NLGN1: variants seen among roughly 807,000 people sequenced by gnomAD.
The protein encoded by NLGN1 is neuroligin-1.
A neutral mutation model predicts 65.5 loss-of-function variants in NLGN1; 12 were observed. The observed-to-expected ratio is 0.18, with a 90% CI of 0.12 to 0.30. The LOEUF (loss-of-function observed/expected upper bound fraction) is 0.30. NLGN1 is among the 10% of genes least tolerant of loss of function. The pLI, the probability that NLGN1 is intolerant of heterozygous loss-of-function variation, is 1.00. For synonymous variants in NLGN1, 350 were observed against 359.5 expected, an observed-to-expected ratio of 0.97 and a Z score of 0.30; for missense variants, 750 against 1,007.1, an observed-to-expected ratio of 0.74 and a Z score of 3.46.
At chr3:174,229,574 T>C (rs995963650) in intron 4 of NLGN1, among the ~76,000 whole-genome samples, 4 of 152,202 alleles carry the variant, frequency 2.6e-5, no homozygotes, top group African/African-American at 9.7e-5. Flanking sequence ...CATGTCTTTG[T>C]CTTAGGCAAA....
chr3:173,436,962 C>T lies in NLGN1; in HGVS notation c.-321+1884C>T, dbSNP rs142365567. The stretch of plus-strand genomic sequence containing the variant: ...TTCTATTGTCATTCCCTTGGTGCTG[C>T]AATGTTCCTTTTTATTTTTCTTCAC... On this transcript the variant is annotated intron_variant, in intron 2 of 6. Transcript: ENST00000457714. Among the ~76,000 whole-genome samples, 25 of 152,286 alleles carry T rather than the reference C, an allele frequency of 1.6e-4. No homozygotes were observed. In the East Asian group the frequency reaches 4.6e-3, roughly 28 times the overall value.
At chr3:174,258,690 C>G (rs201278068) in intron 4 of NLGN1, among the ~76,000 whole-genome samples, 2 of 152,062 alleles carry the variant, frequency 1.3e-5, no homozygotes, top group East Asian at 3.9e-4. Flanking sequence ...CAGATAAACC[C>G]TAATTGAGAG....
chr3:174,143,684 G>A (rs1464446783), intron 4 of NLGN1, among the ~76,000 whole-genome samples: 1 of 152,110 alleles, frequency 6.6e-6, no homozygotes, highest in Non-Finnish European at 1.5e-5. Flanking sequence ...AAACCACAGA[G>A]AAATAGTCTA....
chr3:173,462,323 G>A (rs1200130904), intron 2 of NLGN1, among the ~76,000 whole-genome samples: 1 of 152,104 alleles, frequency 6.6e-6, no homozygotes, highest in African/African-American at 2.4e-5. Context: ...AGGTACCAAT[G>A]ACACTGTTAG....
chr3:173,682,797 G>T (rs1764133673), intron 3 of NLGN1, among the ~76,000 whole-genome samples: 1 of 152,026 alleles, frequency 6.6e-6, no homozygotes, highest in South Asian at 2.1e-4. Context: ...AGGCATAAAT[G>T]GGTCAAGTCT....
At chr3:173,952,069 A>G (rs1748323797) in intron 4 of NLGN1, among the ~76,000 whole-genome samples, 1 of 152,080 alleles carries the variant, frequency 6.6e-6, no homozygotes, top group Non-Finnish European at 1.5e-5. Context: ...TAAGGACACC[A>G]TTTTTATGTG....
At chr3:173,906,168 A>C (rs2152202750) in intron 4 of NLGN1, among the ~76,000 whole-genome samples, 1 of 152,354 alleles carries the variant, frequency 6.6e-6, no homozygotes, top group African/African-American at 2.4e-5. Context: ...AACATCATGC[A>C]GCTAAGTTAG....
intron 4 of NLGN1, among the ~76,000 whole-genome samples, chr3:173,908,096 G>T (rs951631542): frequency 1.3e-5 from 2 of 152,152 alleles, no homozygotes; most frequent in African/African-American, 4.8e-5. Flanking sequence ...TAAAAATATT[G>T]ATTACTGCAT....
chr3:173,985,935 G>T (rs2152401951), intron 4 of NLGN1, among the ~76,000 whole-genome samples: 1 of 152,202 alleles, frequency 6.6e-6, no homozygotes, highest in East Asian at 1.9e-4. Context: ...GGGCAACAGA[G>T]AGAGACTCCA....
At chr3:174,294,244 A>G in the NLGN1 span, among the ~76,000 whole-genome samples, 4 of 151,814 alleles carry the variant, frequency 2.6e-5, no homozygotes, top group African/African-American at 9.6e-5. Context: ...TATGCTTATA[A>G]GCCATTGTAT....
At chr3:173,751,712 A>G (rs1306646856) in intron 3 of NLGN1, among the ~76,000 whole-genome samples, 1 of 152,102 alleles carries the variant, frequency 6.6e-6, no homozygotes, top group Admixed American at 6.6e-5. Flanking sequence ...AGCACAGCAA[A>G]ACCATAGAAT....
At chr3:173,682,934 AG>A (rs1202536974) in intron 3 of NLGN1, among the ~76,000 whole-genome samples, 1 of 152,222 alleles carries the variant, frequency 6.6e-6, no homozygotes, top group Non-Finnish European at 1.5e-5. Flanking sequence ...TTGTAATGTA[AG>A]GAGTTTACTC....
At chr3:173,466,310 CTT>C (rs1195579969) in intron 2 of NLGN1, among the ~76,000 whole-genome samples, 1 of 152,056 alleles carries the variant, frequency 6.6e-6, no homozygotes, top group Non-Finnish European at 1.5e-5. Flanking sequence ...GGAACACACT[CTT>C]GTGTTATATA....
intron 3 of NLGN1, among the ~76,000 whole-genome samples, chr3:173,778,863 T>G (rs1578389154): frequency 6.6e-6 from 1 of 151,670 alleles, no homozygotes; most frequent in East Asian, 1.9e-4. Flanking sequence ...TTAATTGATA[T>G]GACAAAAGGT....
chr3:174,248,008 C>T (rs1396524680), intron 4 of NLGN1, among the ~76,000 whole-genome samples: 3 of 152,196 alleles, frequency 2.0e-5, no homozygotes. Flanking sequence ...CTAATTCATT[C>T]ATATTGGCTG....
chr3:174,152,098 T>C (rs964189173), intron 4 of NLGN1, among the ~76,000 whole-genome samples: 1 of 152,108 alleles, frequency 6.6e-6, no homozygotes, highest in South Asian at 2.1e-4. Context: ...CTGATATTTG[T>C]CTTCTTCTGA....
intron 4 of NLGN1, among the ~76,000 whole-genome samples, chr3:174,126,315 A>C (rs1208577551): frequency 6.6e-6 from 1 of 152,112 alleles, no homozygotes; most frequent in Non-Finnish European, 1.5e-5. Context: ...ACTGAGGGCA[A>C]GCACCAGACC....
chr3:173,763,455 A>G (rs1351642725), intron 3 of NLGN1, among the ~76,000 whole-genome samples: 2 of 152,146 alleles, frequency 1.3e-5, no homozygotes, highest in South Asian at 2.1e-4. Context: ...CACAGCAGAA[A>G]TTCATGATTT....
At chr3:173,527,892 G>GT (rs1225025443) in intron 2 of NLGN1, among the ~76,000 whole-genome samples, 2 of 152,104 alleles carry the variant, frequency 1.3e-5, no homozygotes, top group Non-Finnish European at 2.9e-5. Flanking sequence ...TGTTGCTTTA[G>GT]TTTTTTTAAA....
Sources: allele counts gnomAD v4.1 joint callset (sites outside exome capture counted in the v4.1 genomes callset), GRCh38; gene constraint gnomAD v4.1.1; transcripts MANE v1.5; gene names NCBI Gene and HGNC (gene_info 2026-07-23, HGNC 2026-07-21).